ERMP1: variants seen among roughly 807,000 people sequenced by gnomAD.
ERMP1 encodes Felix-ina.
A neutral mutation model predicts 92.0 loss-of-function variants in ERMP1; 86 were observed. The observed-to-expected ratio is 0.93, with a 90% CI of 0.79 to 1.12. ERMP1 has a LOEUF of 1.12. Among genes scored for constraint, ERMP1 ranks in the 50% most tolerant of loss-of-function variants. The probability of loss-of-function intolerance (pLI) is 0.00; values close to 1 mark genes in which losing one functional copy is unlikely to be tolerated. For missense variants in ERMP1, 1,342 were observed against 1,116.3 expected (o/e 1.20, Z -2.88); for synonymous variants, 530 against 412.8 (o/e 1.28, Z -3.44).
chr9:5,830,158 C>T (rs1829884855), intron 2 of ERMP1, among the ~76,000 whole-genome samples: 2 of 152,234 alleles, frequency 1.3e-5, no homozygotes, highest in African/African-American at 4.8e-5. Flanking sequence ...GAATGCAGCC[C>T]AATACAAATT....
Position 5,823,913 on chromosome 9 carries a change from T to C in ERMP1, c.857A>G (p.Glu286Gly). The change falls in exon 4 of 15, where the codon GAA (glutamate) becomes GGA (glycine). Residue 286 changes from glutamate (E) to glycine (G), a missense_variant. Coordinates refer to ENST00000339450, the MANE Select transcript of ERMP1 (RefSeq NM_024896.3). ...NLEAAGVGGKELVFQTGPENP... is the reference protein window; with the variant it reads ...NLEAAGVGGKGLVFQTGPENP... ...TCACATACCTGTTTGGAATACAAGT[T>C]CTTTCCCTCCTACACCTGCTGCCTC... The C allele has an allele frequency of 1.2e-6, 2 of 1,612,708 alleles. No individual in the cohort carries two copies. The highest frequency in any genetic ancestry group is 3.3e-5 in the Admixed American group (2 of 59,994).
chr9:5,797,330 G>C (rs922715571), intron 13 of ERMP1, among the ~76,000 whole-genome samples: 1 of 151,926 alleles, frequency 6.6e-6, no homozygotes, highest in African/African-American at 2.4e-5. Flanking sequence ...ACCATGCCTG[G>C]CCTATTAAAT....
intron 2 of ERMP1, among the ~76,000 whole-genome samples, chr9:5,825,713 C>T (rs146912688): frequency 1.4e-4 from 22 of 152,222 alleles, no homozygotes; most frequent in Admixed American, 8.5e-4. Context: ...GTGTAACATT[C>T]CTTTAAGGCT....
intron 5 of ERMP1, among the ~76,000 whole-genome samples, chr9:5,866,962 T>C (rs1475345109): frequency 2.0e-5 from 3 of 152,124 alleles, no homozygotes; most frequent in Non-Finnish European, 4.4e-5. Context: ...TCCCAGCACT[T>C]TGGGAGGCTG....
At chr9:5,850,401 GTC>G (rs1830293986) in intron 6 of ERMP1, among the ~76,000 whole-genome samples, 1 of 14,014 alleles carries the variant, frequency 7.1e-5, no homozygotes, top group African/African-American at 2.2e-4. Context: ...ATGAAACTCC[GTC>G]TCAAAAAAAA....
chr9:5,850,264 G>T (rs980987092), intron 6 of ERMP1, among the ~76,000 whole-genome samples: 1 of 151,952 alleles, frequency 6.6e-6, no homozygotes, highest in African/African-American at 2.4e-5. Flanking sequence ...AATTAGTTGG[G>T]CATGGTGGCA....
At chr9:5,818,721 AAAAAGAAAAG>A (rs1004332465) in intron 4 of ERMP1, among the ~76,000 whole-genome samples, 1 of 152,148 alleles carries the variant, frequency 6.6e-6, no homozygotes, top group African/African-American at 2.4e-5. Flanking sequence ...TCAAAAAAAA[AAAAAGAAAAG>A]AAAAGAAAAC....
rs1439319557 is a variant in ERMP1, at chr9:5,832,818, C to T, written c.210G>A (p.Glu70=). 6.7e-7 allele frequency: 1 copy of T among 1,503,080 alleles called. No individual in the cohort carries two copies. The highest frequency in any genetic ancestry group is 8.8e-7 in the Non-Finnish European group (1 of 1,134,150). The allele number at this position is 1,503,080 out of a possible 1,614,324, so 93.1% of individuals were successfully genotyped here. Residue 70 remains glutamate, a synonymous_variant, in exon 1 of 15, where the codon GAG becomes GAA. Transcript: ENST00000339450. The part of the protein sequence containing the change: ...ASRGAGTGLS[E]VRAALGLALY... ...GCGCGAGCCCCAGCGCGGCGCGCAC[C>T]TCAGACAGCCCGGTCCCCGCGCCCC...
Position 5,805,149 on chromosome 9 carries a change from G to A in ERMP1, c.1792C>T (p.Leu598Phe). Residue 598 changes from leucine to phenylalanine, a missense_variant, in exon 10 of 15, where the codon CTC becomes TTC. Leu to Phe is a conservative substitution (Grantham distance 22). Transcript: ENST00000339450. ...MFIPYLYALY[L>F]IWAVFEMFTP... ...AACATCTCAAATACTGCCCAGATGA[G>A]GTACAATGCATAAAGATAAGGAATA... is the stretch of plus-strand genomic sequence containing the variant. 2 of 1,612,912 alleles carry A rather than the reference G, an allele frequency of 1.2e-6. No homozygotes were observed. Among genetic ancestry groups the A allele is most frequent in the Non-Finnish European group, 8.5e-7 (1 of 1,179,580 alleles).
intron 4 of ERMP1, among the ~76,000 whole-genome samples, chr9:5,815,406 G>C (rs1356867366): frequency 6.6e-6 from 1 of 150,738 alleles, no homozygotes; most frequent in Non-Finnish European, 1.5e-5. Context: ...GACACCACTG[G>C]CCTAAACTGG....
rs1362711020 is a variant in ERMP1 at position 5,842,449 on chromosome 9, A to G, written n.3200-9137T>C. On this transcript the variant is annotated intron_variant and non_coding_transcript_variant, in intron 6 of 6. Transcript: ENST00000690753. ...GAGACTGTCTCAAAAAAAAAAAAAA[A>G]AGAAAGAAAAGAAAAAAGAAAAAAA... Among the ~76,000 whole-genome samples, 42 of 149,200 alleles carry G rather than the reference A, an allele frequency of 2.8e-4. 3 individuals carry two copies. The highest frequency in any genetic ancestry group is 2.4e-3 in the East Asian group (12 of 5,010).
chr9:5,818,043 G>C (rs1437810445), intron 4 of ERMP1, among the ~76,000 whole-genome samples: 1 of 151,938 alleles, frequency 6.6e-6, no homozygotes, highest in Admixed American at 6.6e-5. Context: ...TGGATCTATC[G>C]ATTTTGGTGG....
At chr9:5,789,258 C>A (rs547973215) in intron 13 of ERMP1, among the ~76,000 whole-genome samples, 1 of 152,114 alleles carries the variant, frequency 6.6e-6, no homozygotes, top group East Asian at 1.9e-4. Context: ...AAAAAATCTT[C>A]AAGGTCTTCA....
chr9:5,863,406 T>C (rs531516730), intron 5 of ERMP1, among the ~76,000 whole-genome samples: 76 of 152,288 alleles, frequency 5.0e-4, no homozygotes, highest in African/African-American at 1.8e-3. Context: ...CAGTTTCCCA[T>C]TACTCCTTGC....
chr9:5,797,953 A>G, intron 12 of ERMP1, 21 bp from the exon 13 acceptor site: 1 of 1,457,992 alleles, frequency 6.9e-7, no homozygotes, highest in Non-Finnish European at 9.6e-7. Flanking sequence ...AGGAAGCTTC[A>G]GTTTTAGGGT....
intron 13 of ERMP1, among the ~76,000 whole-genome samples, chr9:5,794,139 T>C (rs1015589314): frequency 4.6e-5 from 7 of 151,882 alleles, no homozygotes; most frequent in African/African-American, 7.3e-5. Context: ...ATCAGAAAAA[T>C]AGCTGAAAAA....
intron 6 of ERMP1, among the ~76,000 whole-genome samples, chr9:5,857,709 A>G (rs747431040): frequency 5.9e-5 from 9 of 152,188 alleles, no homozygotes; most frequent in Admixed American, 1.3e-4. Flanking sequence ...CAGGGGATCT[A>G]GAAAATATTC....
At chr9:5,809,222 G>T (rs571382899) in intron 8 of ERMP1, among the ~76,000 whole-genome samples, 3 of 151,388 alleles carry the variant, frequency 2.0e-5, no homozygotes, top group East Asian at 3.9e-4. Context: ...GGGTTTCACC[G>T]TGTTAGCCAG....
At chr9:5,846,802 G>A (rs1830239762) in intron 6 of ERMP1, among the ~76,000 whole-genome samples, 1 of 152,184 alleles carries the variant, frequency 6.6e-6, no homozygotes, top group South Asian at 2.1e-4. Flanking sequence ...ACTTGTTTGT[G>A]TTTATGGACA....
Sources: allele counts gnomAD v4.1 joint callset (sites outside exome capture counted in the v4.1 genomes callset), GRCh38; gene constraint gnomAD v4.1.1; transcripts MANE v1.5; gene names NCBI Gene and HGNC (gene_info 2026-07-23, HGNC 2026-07-21).